Variants in GSN observed in about 807,000 individuals in gnomAD.
GSN encodes gelsolin, also known as actin-depolymerizing factor.
In GSN, 56 loss-of-function variants were observed where a neutral mutation model predicts 85.7. The observed-to-expected ratio is 0.65, with a 90% CI of 0.53 to 0.82. The LOEUF (loss-of-function observed/expected upper bound fraction) is 0.82. GSN is among the 40% of genes least tolerant of loss of function. The pLI, the probability that GSN is intolerant of heterozygous loss-of-function variation, is 0.00. For synonymous variants in GSN, 373 were observed against 399.1 expected (o/e 0.93, Z 0.78); for missense variants, 857 against 979.8 (o/e 0.87, Z 1.67).
chr9:121,272,073 G>A (rs910616979), intron 1 of GSN, among the ~76,000 whole-genome samples: 34 of 152,228 alleles, frequency 2.2e-4, no homozygotes, highest in African/African-American at 8.2e-4. Context: ...AGGCAGCCGG[G>A]GGATGTTAAG....
At chr9:121,259,810 C>G (rs187729026) in intron 6 of GSN, among the ~76,000 whole-genome samples, 20 of 152,282 alleles carry the variant, frequency 1.3e-4, no homozygotes, top group Admixed American at 8.5e-4. Context: ...ATGCCATGAT[C>G]AAGTAGTATA....
chr9:121,231,471 T>C (rs1044489050), intron 5 of GSN, among the ~76,000 whole-genome samples: 1 of 152,144 alleles, frequency 6.6e-6, no homozygotes, highest in Non-Finnish European at 1.5e-5. Flanking sequence ...CAGAACCAAC[T>C]GCCTCAACTG....
chr9:121,303,217 G>C (rs1047053570), intron 4 of GSN, 152 bp downstream of exon 4: 2 of 759,484 alleles, frequency 2.6e-6, no homozygotes, highest in Admixed American at 4.0e-5. Flanking sequence ...TTTAAATCCT[G>C]GCCTCTTTCT....
At chr9:121,298,144 G>T (rs7870797) in intron 2 of GSN, among the ~76,000 whole-genome samples, 2 of 151,708 alleles carry the variant, frequency 1.3e-5, no homozygotes, top group Admixed American at 1.3e-4. Flanking sequence ...CTTCAGTGTG[G>T]CACACAGGCC....
At chr9:121,315,227 T>G (rs1443007927) in intron 7 of GSN, among the ~76,000 whole-genome samples, 1 of 152,198 alleles carries the variant, frequency 6.6e-6, no homozygotes, top group Non-Finnish European at 1.5e-5. Flanking sequence ...CCACTCAACA[T>G]GGTCGGGAAT....
intron 6 of GSN, among the ~76,000 whole-genome samples, chr9:121,248,988 C>T (rs758348585): frequency 5.3e-5 from 8 of 152,012 alleles, no homozygotes; most frequent in Non-Finnish European, 8.8e-5. Context: ...ATGATTAGCA[C>T]GAGATGAGAT....
At chr9:121,324,284 G>A (rs867376443) in intron 11 of GSN, among the ~76,000 whole-genome samples, 25 of 152,324 alleles carry the variant, frequency 1.6e-4, no homozygotes, top group Admixed American at 5.2e-4. Context: ...TGTTCAGCAT[G>A]GGATGACCCA....
At chr9:121,307,802 G>A (rs1473213916) in intron 4 of GSN, among the ~76,000 whole-genome samples, 1 of 152,164 alleles carries the variant, frequency 6.6e-6, no homozygotes, top group Non-Finnish European at 1.5e-5. Flanking sequence ...TTCCTCACTT[G>A]CTCTGGGCAG....
At chr9:121,231,334 A>G (rs1019550797) in intron 5 of GSN, 13 of 152,100 alleles carry the variant, frequency 8.5e-5, no homozygotes, top group African/African-American at 2.9e-4. Context: ...CTTCTTTTCT[A>G]TCCTTGTAAA....
intron 6 of GSN, among the ~76,000 whole-genome samples, chr9:121,256,667 C>T (rs1792817744): frequency 6.6e-6 from 1 of 152,030 alleles, no homozygotes; most frequent in African/African-American, 2.4e-5. Context: ...CACCTGAGGT[C>T]AGGAGTTCGA....
At chr9:121,323,033 C>T (rs1013868348) in intron 11 of GSN, among the ~76,000 whole-genome samples, 1 of 152,004 alleles carries the variant, frequency 6.6e-6, no homozygotes, top group Non-Finnish European at 1.5e-5. Flanking sequence ...TGGGGCTTTG[C>T]CATGTTGCCC....
chr9:121,239,195 T>G (rs949973724), intron 5 of GSN: 1 of 326,544 alleles, frequency 3.1e-6, no homozygotes, highest in Non-Finnish European at 6.0e-6. Flanking sequence ...ATCTCTTCTC[T>G]GGCTGTAGAA....
intron 2 of GSN, among the ~76,000 whole-genome samples, chr9:121,293,655 G>A (rs1421425927): frequency 1.4e-5 from 2 of 145,548 alleles, no homozygotes; most frequent in Admixed American, 1.4e-4. Context: ...CCGAGATCAC[G>A]CCGCTGCACT....
intron 5 of GSN, chr9:121,239,252 C>T: frequency 1.6e-5 from 6 of 369,940 alleles, no homozygotes; most frequent in Non-Finnish European, 2.6e-5. Context: ...GTTAGGATAA[C>T]CAATACATGT....
At chr9:121,266,539 A>G (rs2055214291), upstream of GSN, among the ~76,000 whole-genome samples, 2 of 152,194 alleles carry the variant, frequency 1.3e-5, no homozygotes. Flanking sequence ...TCTCAGAGAA[A>G]GTGGAACTGG....
At chr9:121,266,006 C>CATCA (rs948089226), upstream of GSN, among the ~76,000 whole-genome samples, 1 of 152,174 alleles carries the variant, frequency 6.6e-6, no homozygotes, top group Non-Finnish European at 1.5e-5. Flanking sequence ...TCACAATCAT[C>CATCA]ATCAATCAAT....
At chr9:121,301,625 C>CAAAAAAAAAAA (rs753963979) in intron 2 of GSN, among the ~76,000 whole-genome samples, 3 of 55,990 alleles carry the variant, frequency 5.4e-5, no homozygotes, top group Non-Finnish European at 8.6e-5. Context: ...GACTCTGTCT[C>CAAAAAAAAAAA]AAAAAAAAAA....
intron 8 of GSN, 51 bp downstream of exon 8, chr9:121,317,269 G>A: frequency 6.3e-7 from 1 of 1,597,318 alleles, no homozygotes; most frequent in Non-Finnish European, 8.6e-7. Context: ...TCTTGGATGG[G>A]ATGTTCTGCA....
intron 1 of GSN, among the ~76,000 whole-genome samples, chr9:121,271,000 G>T (rs545851278): frequency 6.6e-5 from 10 of 152,254 alleles, no homozygotes; most frequent in Non-Finnish European, 1.3e-4. Context: ...GTGACCTTGG[G>T]CAAATCCTAT....
Sources: gnomAD v4.1 joint callset for allele counts (sites outside exome capture counted in the v4.1 genomes callset) on GRCh38, gnomAD v4.1.1 for gene constraint, MANE v1.5 for transcripts, NCBI Gene and HGNC (gene_info 2026-07-23, HGNC 2026-07-21) for gene names.